Variants in DDC observed in about 807,000 individuals in gnomAD.
DDC encodes the protein dopa decarboxylase, also known as aromatic-L-amino-acid decarboxylase.
In DDC, 43 loss-of-function variants were observed where a neutral mutation model predicts 60.0. The ratio of observed to expected loss-of-function variants is 0.72; its 90% CI spans 0.56 to 0.92. DDC has a LOEUF of 0.92. Ranked by LOEUF, DDC falls within the 40% of genes least tolerant of loss-of-function variation. The pLI is 0.00. For missense variants in DDC, 573 were observed against 620.2 expected, an observed-to-expected ratio of 0.92 and a Z score of 0.81; for synonymous variants, 232 against 234.6, an observed-to-expected ratio of 0.99 and a Z score of 0.10.
At chr7:50,505,420 G>A (rs1397665439) in intron 6 of DDC, among the ~76,000 whole-genome samples, 1 of 152,196 alleles carries the variant, frequency 6.6e-6, no homozygotes, top group African/African-American at 2.4e-5. Flanking sequence ...AATTAAATTT[G>A]TGTGACCTTT....
chr7:50,464,744 G>A (rs554317177), intron 13 of DDC, among the ~76,000 whole-genome samples: 1 of 152,312 alleles, frequency 6.6e-6, no homozygotes, highest in South Asian at 2.1e-4. Flanking sequence ...GCCATAATGA[G>A]GATGGAGGGA....
chr7:50,505,763 C>A, intron 6 of DDC, among the ~76,000 whole-genome samples: 1 of 152,238 alleles, frequency 6.6e-6, no homozygotes, highest in South Asian at 2.1e-4. Context: ...GGGCGTGGGC[C>A]CAAAACAGGT....
At chr7:50,513,839 A>C (rs2043652727) in intron 6 of DDC, among the ~76,000 whole-genome samples, 1 of 152,042 alleles carries the variant, frequency 6.6e-6, no homozygotes, top group South Asian at 2.1e-4. Context: ...GGAAAGCCTG[A>C]GCCCAGACAT....
intron 1 of DDC, among the ~76,000 whole-genome samples, chr7:50,544,567 C>T (rs1222899084): frequency 2.0e-5 from 3 of 152,196 alleles, no homozygotes; most frequent in South Asian, 2.1e-4. Flanking sequence ...ACAATGCACA[C>T]GAGCCTCAGC....
rs11575316 is a variant in DDC at position 50,538,151 on chromosome 7, G to A, written c.316-172C>T. The stretch of plus-strand genomic sequence containing the variant: ...TGACCTAGAATCATGCAAGGAGAGC[G>A]GTTGGGAAGGAACATACGGGCCACC... On this transcript the variant is annotated intron_variant, in intron 3 of 14. Transcript: ENST00000444124. Among the ~76,000 whole-genome samples the A allele has an allele frequency of 5.3e-5, 8 of 152,262 alleles. No homozygotes were observed. The East Asian group carries it at 7.7e-4, about 15-fold the overall frequency.
chr7:50,476,512 G>T, intron 11 of DDC, 112 bp downstream of exon 11: 1 of 1,007,538 alleles, frequency 9.9e-7, no homozygotes, highest in Non-Finnish European at 1.6e-6. Flanking sequence ...GTTAGAAGGT[G>T]CCCACCAGTG....
At chr7:50,545,511 C>G (rs185384421) in intron 1 of DDC, among the ~76,000 whole-genome samples, 1 of 152,182 alleles carries the variant, frequency 6.6e-6, no homozygotes, top group African/African-American at 2.4e-5. Context: ...TTGCTCTTGT[C>G]GCCCAGGCTG....
intron 6 of DDC, among the ~76,000 whole-genome samples, chr7:50,519,675 G>A (rs1419668587): frequency 6.6e-6 from 1 of 152,136 alleles, no homozygotes. Flanking sequence ...ACTGATATGT[G>A]GGAGCTAAGC....
chr7:50,541,653 T>TAATATCTTG (rs1370379358), intron 2 of DDC, among the ~76,000 whole-genome samples: 12 of 152,154 alleles, frequency 7.9e-5, no homozygotes, highest in Non-Finnish European at 1.8e-4. Flanking sequence ...CACCTGAACC[T>TAATATCTTG]AATATCTTGA....
chr7:50,555,013 AC>A lies in DDC; in HGVS notation c.-29+10271del, dbSNP rs1379450044. 2.0e-5 allele frequency among the ~76,000 whole-genome samples: 3 copies of A among 152,030 alleles called. No homozygotes were observed. The East Asian group carries it at 5.8e-4, about 29-fold the overall frequency. On this transcript the variant is annotated intron_variant, in intron 1 of 14. Transcript: ENST00000444124. ...TTAGGTAACCGAGGAAGCTCAGGTAACCTCTATGGCCAATATGATGCACTCC... is the reference window on the plus strand; with the variant it reads ...TTAGGTAACCGAGGAAGCTCAGGTAACTCTATGGCCAATATGATGCACTCC...
chr7:50,492,310 G>A lies in DDC; in HGVS notation c.944+3040C>T, dbSNP rs73351263. 7.5e-3 allele frequency among the ~76,000 whole-genome samples: 1,137 copies of A among 152,320 alleles called. 19 individuals are homozygous for A. Among genetic ancestry groups the A allele is most frequent in the African/African-American group, 0.026 (1,098 of 41,566 alleles). On this transcript the variant is annotated intron_variant, in intron 9 of 14. Transcript: ENST00000444124. ...TGTGTTAAAACACAAATCTTTCAAA[G>A]ATCAGATTTCATCTATCAACATTCA...
chr7:50,507,050 TGA>T (rs1364201010), intron 6 of DDC, among the ~76,000 whole-genome samples: 1 of 152,228 alleles, frequency 6.6e-6, no homozygotes, highest in East Asian at 1.9e-4. Context: ...TTGTAGAGCA[TGA>T]GAGTCTTAGA....
intron 1 of DDC, among the ~76,000 whole-genome samples, chr7:50,546,141 G>A (rs2044801549): frequency 6.6e-6 from 1 of 152,188 alleles, no homozygotes; most frequent in Admixed American, 6.5e-5. Context: ...ATTAGCAATG[G>A]TGATGACCTT....
At chr7:50,460,677 A>G (rs967371968) in intron 14 of DDC, among the ~76,000 whole-genome samples, 3 of 150,846 alleles carry the variant, frequency 2.0e-5, no homozygotes, top group Admixed American at 1.3e-4. Context: ...AGGTAGACAC[A>G]GGAGACTTTT....
chr7:50,544,430 T>C (rs979014535), intron 1 of DDC, among the ~76,000 whole-genome samples: 10 of 152,152 alleles, frequency 6.6e-5, no homozygotes, highest in Admixed American at 1.3e-4. Flanking sequence ...CAAACACTGG[T>C]CCAAGTCCTG....
At chr7:50,472,521 A>G (rs2042556542) in intron 11 of DDC, among the ~76,000 whole-genome samples, 1 of 152,154 alleles carries the variant, frequency 6.6e-6, no homozygotes, top group Non-Finnish European at 1.5e-5. Flanking sequence ...TCATCCAAAT[A>G]GCATGCAGGG....
At chr7:50,545,892 C>T (rs750410108) in intron 1 of DDC, among the ~76,000 whole-genome samples, 2 of 152,150 alleles carry the variant, frequency 1.3e-5, no homozygotes, top group Non-Finnish European at 2.9e-5. Flanking sequence ...CCATAAGGCA[C>T]GTCTTGTGCA....
chr7:50,557,892 A>G (rs2045236470), intron 1 of DDC, among the ~76,000 whole-genome samples: 1 of 152,242 alleles, frequency 6.6e-6, no homozygotes, highest in Non-Finnish European at 1.5e-5. Flanking sequence ...TAGACACTCC[A>G]TCTCTGTAAG....
In DDC at chr7:50,537,965, T is replaced by C. The variant is rs763406049; in HGVS notation, c.330A>G (p.Ala110=). The change falls in exon 4 of 15, where the codon GCA becomes GCG. Residue 110 remains alanine, a synonymous_variant. Coordinates refer to ENST00000444124, the MANE Select transcript of DDC (RefSeq NM_001082971.2). ...CIGFSWAASP[A]CTELETVMMD... The stretch of plus-strand genomic sequence containing the variant: ...TCATCACAGTCTCCAGCTCTGTGCA[T>C]GCTGGGCTTGCCGCCTGTCGTGGGG... 2.5e-6 allele frequency: 4 copies of C among 1,614,186 alleles called. No individual in the cohort carries two copies. Among genetic ancestry groups the C allele is most frequent in the Non-Finnish European group, 3.4e-6 (4 of 1,180,034 alleles).
Sources: allele counts gnomAD v4.1 joint callset (sites outside exome capture counted in the v4.1 genomes callset), GRCh38; gene constraint gnomAD v4.1.1; transcripts MANE v1.5; gene names NCBI Gene and HGNC (gene_info 2026-07-23, HGNC 2026-07-21).